SCAPER: variants seen among roughly 807,000 people sequenced by gnomAD.
SCAPER encodes the protein S phase cyclin A-associated protein in the endoplasmic reticulum.
In SCAPER, 98 loss-of-function variants were observed where a neutral mutation model predicts 182.2. The observed-to-expected ratio is 0.54, with a 90% CI of 0.46 to 0.64. SCAPER has a LOEUF of 0.64. Among genes scored for constraint, SCAPER ranks in the 30% least tolerant of loss-of-function variants. The pLI is 0.00. For synonymous variants in SCAPER, 605 were observed against 564.6 expected (o/e 1.07, Z -1.01); for missense variants, 1,432 against 1,690.0 (o/e 0.85, Z 2.68).
Position 76,742,282 on chromosome 15 carries a change from G to A in SCAPER, c.1867-8898C>T, listed in dbSNP as rs538241771. ...CAGGCCACTATTTCTCAGAAATTTG[G>A]GGATTTACAAAAGTACAAAATAGGT... On this transcript the variant is annotated intron_variant, in intron 15 of 31. Coordinates refer to ENST00000563290, the MANE Select transcript of SCAPER (RefSeq NM_020843.4). Among the ~76,000 whole-genome samples, 304 of 151,446 alleles carry A rather than the reference G, an allele frequency of 2.0e-3. 3 individuals are homozygous for A. The highest frequency in any genetic ancestry group is 6.9e-3 in the African/African-American group (287 of 41,340).
intron 6 of SCAPER, among the ~76,000 whole-genome samples, chr15:76,800,965 C>CA (rs1484803330): frequency 6.6e-6 from 1 of 152,214 alleles, no homozygotes; most frequent in South Asian, 2.1e-4. Flanking sequence ...AACATGCCCT[C>CA]AATCAGATCC....
rs1349334288 is a variant in SCAPER, at chr15:76,609,945, A to T, written c.2711+11819T>A. ...AAGAGTTGGGTTTTCCCATTTCACC[A>T]GGTAGAATTGGCTATGATAAAACCC... On this transcript the variant is annotated intron_variant, in intron 22 of 31. Transcript: ENST00000563290. Among the ~76,000 whole-genome samples the T allele has an allele frequency of 3.3e-5, 5 of 152,280 alleles. No individual in the cohort carries two copies. In the East Asian group the frequency reaches 9.6e-4, roughly 29 times the overall value.
intron 14 of SCAPER, among the ~76,000 whole-genome samples, chr15:76,763,669 T>C (rs2062934761): frequency 6.6e-6 from 1 of 152,144 alleles, no homozygotes; most frequent in South Asian, 2.1e-4. Flanking sequence ...TTTTCTCTCC[T>C]CTTACTGGGT....
intron 22 of SCAPER, among the ~76,000 whole-genome samples, chr15:76,602,691 G>A (rs556883756): frequency 8.4e-6 from 1 of 119,474 alleles, no homozygotes; most frequent in South Asian, 2.6e-4. Flanking sequence ...TTTCCCTTCT[G>A]GTATCCCAAT....
At chr15:76,702,281 A>G (rs2059000490) in intron 19 of SCAPER, among the ~76,000 whole-genome samples, 1 of 152,038 alleles carries the variant, frequency 6.6e-6, no homozygotes, top group East Asian at 1.9e-4. Context: ...TAGATCTAAT[A>G]CCCCAAAAAT....
chr15:76,378,326 G>C (rs1203086391), intron 28 of SCAPER, among the ~76,000 whole-genome samples: 1 of 152,134 alleles, frequency 6.6e-6, no homozygotes, highest in African/African-American at 2.4e-5. Flanking sequence ...ATTTTTCTGA[G>C]GTCAGATCAT....
At chr15:76,883,989 A>T in intron 1 of SCAPER, 113 bp from the exon 2 acceptor site, 1 of 572,926 alleles carries the variant, frequency 1.7e-6, no homozygotes, top group South Asian at 2.6e-5. Flanking sequence ...AACAAAAAAA[A>T]CTGCTCCTTT....
chr15:76,445,027 T>C (rs911518880), intron 25 of SCAPER, among the ~76,000 whole-genome samples: 6 of 152,212 alleles, frequency 3.9e-5, no homozygotes, highest in Non-Finnish European at 8.8e-5. Context: ...TGGTTTCTGG[T>C]CACATGGATG....
intron 17 of SCAPER, among the ~76,000 whole-genome samples, chr15:76,718,680 T>A (rs28812790): frequency 1.2e-4 from 18 of 148,114 alleles, no homozygotes; most frequent in African/African-American, 3.5e-4. Context: ...ACAAGAAAAA[T>A]ATATATATTT....
intron 15 of SCAPER, chr15:76,736,902 T>C (rs2061301231): frequency 6.3e-6 from 1 of 157,852 alleles, no homozygotes; most frequent in Admixed American, 6.4e-5. Flanking sequence ...TATTTAATTT[T>C]TGTCATAAGA....
At chr15:76,365,956 A>T (rs747530574) in intron 29 of SCAPER, among the ~76,000 whole-genome samples, 1 of 152,218 alleles carries the variant, frequency 6.6e-6, no homozygotes, top group Non-Finnish European at 1.5e-5. Context: ...GAAGGCGCTT[A>T]TAATATTTTT....
At chr15:76,609,809 A>T (rs2050815579) in intron 22 of SCAPER, among the ~76,000 whole-genome samples, 1 of 152,184 alleles carries the variant, frequency 6.6e-6, no homozygotes, top group South Asian at 2.1e-4. Context: ...ATGTTCTATA[A>T]TTCTATGATT....
chr15:76,352,051 TAA>T (rs1370219126), intron 30 of SCAPER, among the ~76,000 whole-genome samples: 3 of 152,238 alleles, frequency 2.0e-5, no homozygotes, highest in African/African-American at 4.8e-5. Context: ...TGTATCATTA[TAA>T]GTCATTGTCT....
rs114912614 is a variant in SCAPER, at chr15:76,375,406, T to C, written c.3855+756A>G. Among the ~76,000 whole-genome samples, 1,373 of 152,032 alleles carry C rather than the reference T, an allele frequency of 9.0e-3. 23 individuals are homozygous for C. The highest frequency in any genetic ancestry group is 0.032 in the African/African-American group (1,334 of 41,482). On this transcript the variant is annotated intron_variant, in intron 29 of 31. Coordinates refer to ENST00000563290, the MANE Select transcript of SCAPER (RefSeq NM_020843.4). ...TCTCACCAACACCAAAGGAAGGCTC[T>C]AAGCACCTAGGCAGAAGCCAGGAGC...
chr15:76,728,522 G>C, intron 17 of SCAPER, 73 bp downstream of exon 17: 1 of 1,591,840 alleles, frequency 6.3e-7, no homozygotes, highest in East Asian at 2.2e-5. Context: ...CTACATGACA[G>C]TAAATGGCTT....
At position 76,471,300 on chromosome 15, in the gene SCAPER, G is replaced by C; in HGVS notation, c.2990C>G (p.Thr997Ser). ...GCAGTTTTCTGAACAGTTATTGCAG[G>C]TGAGGTTGTAAACATTGATTGCATT... ...LCNAINVYNL[T>S]CNNCSENCSD... The change falls in exon 25 of 32, where the codon ACC becomes AGC. Residue 997 changes from threonine (T) to serine (S), a missense_variant. Transcript: ENST00000563290. The C allele has an allele frequency of 6.2e-7, 1 of 1,611,598 alleles. No homozygotes were observed. The highest frequency in any genetic ancestry group is 8.5e-7 in the Non-Finnish European group (1 of 1,178,800).
chr15:76,772,635 C>T (rs1412111937), intron 9 of SCAPER, among the ~76,000 whole-genome samples: 5 of 151,776 alleles, frequency 3.3e-5, no homozygotes, highest in African/African-American at 9.7e-5. Context: ...CCCTATTGTC[C>T]TTTAGGAATA....
At chr15:76,565,652 T>C (rs1275594150) in intron 23 of SCAPER, among the ~76,000 whole-genome samples, 1 of 152,160 alleles carries the variant, frequency 6.6e-6, no homozygotes, top group East Asian at 1.9e-4. Context: ...TTAATCACCC[T>C]AGAAATTTCC....
intron 29 of SCAPER, among the ~76,000 whole-genome samples, chr15:76,360,996 T>C (rs141018001): frequency 1.5e-4 from 22 of 150,090 alleles, no homozygotes; most frequent in African/African-American, 4.7e-4. Context: ...GTAATATTAA[T>C]ACTTGGTGTT....
Sources: gnomAD v4.1 joint callset for allele counts (sites outside exome capture counted in the v4.1 genomes callset) on GRCh38, gnomAD v4.1.1 for gene constraint, MANE v1.5 for transcripts, NCBI Gene and HGNC (gene_info 2026-07-23, HGNC 2026-07-21) for gene names.